Variants in PPP6R2 observed in about 807,000 individuals in gnomAD.
The protein encoded by PPP6R2 is serine/threonine-protein phosphatase 6 regulatory subunit 2.
A neutral mutation model predicts 100.2 loss-of-function variants in PPP6R2; 62 were observed. The observed-to-expected ratio is 0.62, with a 90% confidence interval of 0.50 to 0.76. The LOEUF (loss-of-function observed/expected upper bound fraction) is 0.76, where lower values mean the gene tolerates loss of function less well. Among genes scored for constraint, PPP6R2 ranks in the 30% least tolerant of loss-of-function variants. PPP6R2 has a pLI of 0.00. For synonymous variants in PPP6R2, 525 were observed against 514.7 expected (o/e 1.02, Z -0.27); for missense variants, 1,142 against 1,276.3 (o/e 0.89, Z 1.60).
chr22:50,333,546 A>T, the PPP6R2 span, among the ~76,000 whole-genome samples: 1 of 152,038 alleles, frequency 6.6e-6, no homozygotes, highest in Non-Finnish European at 1.5e-5. Flanking sequence ...GTTAGCCAGG[A>T]TGGTCTCGAT....
In PPP6R2 at chr22:50,382,674, A is replaced by G. The variant is rs534190024; in HGVS notation, c.-17+10524A>G. 3.3e-5 allele frequency among the ~76,000 whole-genome samples: 5 copies of G among 152,296 alleles called. No individual in the cohort carries two copies. In the East Asian group the frequency reaches 9.6e-4, roughly 29 times the overall value. ...AGAGCACTATACAATTTTGAAAGCA[A>G]TTAAAGACTTGAATAAATGGGCAGA... is the stretch of plus-strand genomic sequence containing the variant. On this transcript the variant is annotated intron_variant, in intron 2 of 23. Coordinates refer to ENST00000612753, the MANE Select transcript of PPP6R2 (RefSeq NM_001242898.2).
chr22:50,361,452 G>A (rs542325311), intron 1 of PPP6R2, among the ~76,000 whole-genome samples: 1 of 152,254 alleles, frequency 6.6e-6, no homozygotes, highest in African/African-American at 2.4e-5. Context: ...GATGAAGCCA[G>A]CTACTGCCAC....
rs193920858 is a variant in PPP6R2 at position 50,440,025 on chromosome 22, C to T, written c.2350C>T (p.Arg784Trp). 1.5e-4 allele frequency: 249 copies of T among 1,613,190 alleles called. No homozygotes were observed. The highest frequency in any genetic ancestry group is 1.9e-4 in the Non-Finnish European group (219 of 1,179,874). The change falls in exon 21 of 24, where the codon CGG becomes TGG. Residue 784 changes from arginine (R) to tryptophan (W), a missense_variant. Around this residue, in one of 2 missense-constraint regions of PPP6R2, gnomAD observed 550 missense variants for 517.4 expected, o/e 1.06. Transcript: ENST00000612753. ...AGAATGCAGCCATGCTGAGGGCAGC[C>T]GGAGCCAAGGCCCTGAGAAAGCCTG... ...DTECSHAEGSRSQGPEKAFSP... is the reference protein window; with the variant it reads ...DTECSHAEGSWSQGPEKAFSP...
chr22:50,431,393 G>A lies in PPP6R2; in HGVS notation c.1335+11G>A. On this transcript the variant is annotated intron_variant, in intron 11 of 23. Coordinates refer to ENST00000612753, the MANE Select transcript of PPP6R2 (RefSeq NM_001242898.2). The surrounding 1 kb of genome is among the most constrained non-coding windows in gnomAD (Gnocchi z 4.8). Reference sequence around the variant, plus strand: ...ACAATGGTGACCCACGTGAGTCCAAGAAGCATCCATCTTATCAGCGCCAAC... The same window carrying A: ...ACAATGGTGACCCACGTGAGTCCAAAAAGCATCCATCTTATCAGCGCCAAC... The A allele has an allele frequency of 1.2e-6, 2 of 1,609,994 alleles. No individual in the cohort carries two copies. The highest frequency in any genetic ancestry group is 1.7e-6 in the Non-Finnish European group (2 of 1,179,142).
chr22:50,363,058 T>G (rs1365499683), intron 1 of PPP6R2, among the ~76,000 whole-genome samples: 1 of 152,210 alleles, frequency 6.6e-6, no homozygotes, highest in Non-Finnish European at 1.5e-5. Context: ...GCCCACATAG[T>G]GTTCAAAAGT....
the PPP6R2 span, among the ~76,000 whole-genome samples, chr22:50,332,328 C>T: frequency 6.6e-6 from 1 of 150,454 alleles, no homozygotes; most frequent in Non-Finnish European, 1.5e-5. Context: ...CCCAGGTTCA[C>T]CCCCCCATTC....
chr22:50,424,765 G>A lies in PPP6R2; in HGVS notation c.1125+1151G>A, dbSNP rs148806545. Among the ~76,000 whole-genome samples, 410 of 151,618 alleles carry A rather than the reference G, an allele frequency of 2.7e-3. 4 individuals carry two copies. The highest frequency in any genetic ancestry group is 9.4e-3 in the African/African-American group (391 of 41,392). ...CGATTTTCCTGCCTCAGCCTCCCGA[G>A]TAGCTGAGATTACAGGCATGCGCCA... is the stretch of plus-strand genomic sequence containing the variant. On this transcript the variant is annotated intron_variant, in intron 10 of 23. Transcript: ENST00000612753.
intron 2 of PPP6R2, among the ~76,000 whole-genome samples, chr22:50,392,327 C>G (rs1437200139): frequency 2.1e-5 from 3 of 144,700 alleles, no homozygotes; most frequent in Non-Finnish European, 4.5e-5. Flanking sequence ...CATAGTGAAT[C>G]CCTGTCTCTA....
chr22:50,438,401 C>T, intron 18 of PPP6R2, 103 bp downstream of exon 18: 2 of 1,520,750 alleles, frequency 1.3e-6, no homozygotes, highest in Non-Finnish European at 1.8e-6. Flanking sequence ...GCAGAGCAGC[C>T]ACACCTGTCC....
rs1428948413 is a variant in PPP6R2, at chr22:50,437,088, C to G, written c.1683+20C>G. 1.3e-6 allele frequency: 2 copies of G among 1,549,306 alleles called. No homozygotes were observed. Among genetic ancestry groups the G allele is most frequent in the East Asian group, 4.9e-5 (2 of 41,122 alleles). ...CAGCAGGTGAGGGCGTGGCCGGCAC[C>G]TGCACCCTGCCGGGCCCTTCCCGGC... On this transcript the variant is annotated intron_variant, in intron 15 of 23. Transcript: ENST00000612753.
intron 1 of PPP6R2, among the ~76,000 whole-genome samples, chr22:50,369,281 A>T (rs765988864): frequency 3.4e-5 from 5 of 146,652 alleles, no homozygotes; most frequent in Non-Finnish European, 7.4e-5. Flanking sequence ...TGAAAACTGT[A>T]TAAAGTTTTA....
chr22:50,398,896 G>A (rs1371608142), intron 3 of PPP6R2, among the ~76,000 whole-genome samples: 1 of 152,210 alleles, frequency 6.6e-6, no homozygotes, highest in African/African-American at 2.4e-5. Context: ...TCTTCAGTCT[G>A]TCTGCGTCAC....
upstream of PPP6R2, among the ~76,000 whole-genome samples, chr22:50,338,857 T>G (rs2042334582): frequency 7.1e-6 from 1 of 140,024 alleles, no homozygotes. Flanking sequence ...GTGTGGTGTG[T>G]GATGTGTGTG....
intron 1 of PPP6R2, among the ~76,000 whole-genome samples, chr22:50,349,258 GAC>G (rs1268023038): frequency 1.3e-5 from 2 of 149,380 alleles, no homozygotes; most frequent in Non-Finnish European, 3.0e-5. Context: ...CAGCTGCTCG[GAC>G]ACTGAGGTGG....
the PPP6R2 span, among the ~76,000 whole-genome samples, chr22:50,334,613 A>T: frequency 1.3e-5 from 2 of 152,032 alleles, no homozygotes; most frequent in African/African-American, 2.4e-5. Context: ...CACAATTTTG[A>T]TCATTTGCAT....
At chr22:50,411,803 T>C (rs2059783052) in intron 4 of PPP6R2, among the ~76,000 whole-genome samples, 1 of 151,560 alleles carries the variant, frequency 6.6e-6, no homozygotes, top group Non-Finnish European at 1.5e-5. Flanking sequence ...CCCAGCACTT[T>C]GGGAGGCCGA....
chr22:50,358,679 T>C (rs1602249512), intron 1 of PPP6R2, among the ~76,000 whole-genome samples: 1 of 152,140 alleles, frequency 6.6e-6, no homozygotes, highest in Non-Finnish European at 1.5e-5. Flanking sequence ...TTTCCCTCCT[T>C]CTCTAAGCAA....
chr22:50,349,601 G>GGGCA (rs2044554581), intron 1 of PPP6R2, among the ~76,000 whole-genome samples: 1 of 152,074 alleles, frequency 6.6e-6, no homozygotes, highest in African/African-American at 2.4e-5. Context: ...TGAGGCAGGT[G>GGGCA]GATCACCTGA....
At chr22:50,371,835 T>C (rs1408214722) in intron 1 of PPP6R2, among the ~76,000 whole-genome samples, 185 bp from the exon 2 acceptor site, 1 of 152,100 alleles carries the variant, frequency 6.6e-6, no homozygotes, top group Non-Finnish European at 1.5e-5. Context: ...ATGAGGTTTT[T>C]CCATGTCACC....
Sources: gnomAD v4.1 joint callset for allele counts (sites outside exome capture counted in the v4.1 genomes callset) on GRCh38, gnomAD v4.1.1 for gene constraint, gnomAD v4.1.1 regional missense constraint, Gnocchi (gnomAD v3.1) non-coding constraint, MANE v1.5 for transcripts, NCBI Gene and HGNC (gene_info 2026-07-23, HGNC 2026-07-21) for gene names.